The following AUTS2 variants were observed in gnomAD, a reference collection of about 807,000 sequenced individuals.
The protein encoded by AUTS2 is autism susceptibility gene 2 protein.
In AUTS2, 17 loss-of-function variants were observed where a neutral mutation model predicts 112.4. The observed-to-expected ratio is 0.15, with a 90% CI of 0.10 to 0.23. The LOEUF (loss-of-function observed/expected upper bound fraction) is 0.23, where lower values mean the gene tolerates loss of function less well. Among genes scored for constraint, AUTS2 ranks in the 10% least tolerant of loss-of-function variants. The pLI is 1.00. For synonymous variants in AUTS2, 751 were observed against 702.7 expected (o/e 1.07, Z -1.09); for missense variants, 1,510 against 1,701.6 (o/e 0.89, Z 1.98).
rs112594158 is a variant in AUTS2 at position 70,108,071 on chromosome 7, G to A, written c.523-10061G>A. Reference sequence around the variant, plus strand: ...ATACCAGTTCAGTTCTGTCCTCATGGAAGTAATATGGCCTTTCATGGGATA... The same window carrying A: ...ATACCAGTTCAGTTCTGTCCTCATGAAAGTAATATGGCCTTTCATGGGATA... On this transcript the variant is annotated intron_variant, in intron 2 of 18. Transcript: ENST00000342771. Among the ~76,000 whole-genome samples, 241 of 152,166 alleles carry A rather than the reference G, an allele frequency of 1.6e-3. 6 individuals are homozygous for A. Among genetic ancestry groups the A allele is most frequent in the African/African-American group, 5.5e-3 (227 of 41,518 alleles).
At chr7:69,628,840 T>C (rs1416297891) in intron 1 of AUTS2, among the ~76,000 whole-genome samples, 1 of 152,144 alleles carries the variant, frequency 6.6e-6, no homozygotes, top group Non-Finnish European at 1.5e-5. Flanking sequence ...TTGGGAGGGA[T>C]ACAGACCCAA....
chr7:69,609,361 T>A (rs1792900630), intron 1 of AUTS2, among the ~76,000 whole-genome samples: 1 of 152,242 alleles, frequency 6.6e-6, no homozygotes, highest in Non-Finnish European at 1.5e-5. Context: ...AAAAGCGTTG[T>A]TCTCTCCCTG....
intron 2 of AUTS2, among the ~76,000 whole-genome samples, chr7:69,934,246 C>G (rs1796326941): frequency 6.6e-6 from 1 of 152,122 alleles, no homozygotes; most frequent in Non-Finnish European, 1.5e-5. Context: ...GCAGGGGATG[C>G]TCTTCCCAAA....
At chr7:70,102,497 A>G (rs910313218) in intron 2 of AUTS2, among the ~76,000 whole-genome samples, 4 of 151,600 alleles carry the variant, frequency 2.6e-5, no homozygotes, top group African/African-American at 9.7e-5. Flanking sequence ...AGGTATTTTC[A>G]TATAGTTTTG....
In AUTS2 at chr7:70,791,894, A is replaced by T. The variant is rs1316562024; in HGVS notation, c.*898A>T. The T allele has an allele frequency of 6.6e-6, 1 of 152,232 alleles. No homozygotes were observed. The highest frequency in any genetic ancestry group is 2.4e-5 in the African/African-American group (1 of 41,436). 9.4% of individuals were successfully genotyped at this position (152,232 alleles called of 1,614,324 possible). On this transcript the variant is annotated 3_prime_UTR_variant, in exon 19 of 19. Transcript: ENST00000342771. Reference sequence around the variant, plus strand: ...TGCCAGGGAGGGTGGGATTTGCCAGATGCCAAAATCAGGGGACGGGTGGTG... The same window carrying T: ...TGCCAGGGAGGGTGGGATTTGCCAGTTGCCAAAATCAGGGGACGGGTGGTG...
At chr7:70,743,454 G>A (rs545526311) in intron 6 of AUTS2, among the ~76,000 whole-genome samples, 165 of 133,088 alleles carry the variant, frequency 1.2e-3, no homozygotes, top group African/African-American at 4.6e-3. Context: ...GGCTGACAGA[G>A]GGAGACTCTG....
intron 2 of AUTS2, among the ~76,000 whole-genome samples, chr7:69,949,231 A>T (rs1161320958): frequency 1.3e-5 from 2 of 152,258 alleles, no homozygotes; most frequent in Non-Finnish European, 2.9e-5. Context: ...AATGCATATG[A>T]TGTAACATAC....
chr7:70,409,345 G>A (rs539494974), intron 4 of AUTS2, among the ~76,000 whole-genome samples: 14 of 149,094 alleles, frequency 9.4e-5, no homozygotes, highest in Admixed American at 5.9e-4. Context: ...ATATATATAT[G>A]TGTGTGTGTG....
chr7:70,453,878 A>G (rs1300832078), intron 5 of AUTS2, among the ~76,000 whole-genome samples: 1 of 152,202 alleles, frequency 6.6e-6, no homozygotes, highest in Non-Finnish European at 1.5e-5. Flanking sequence ...CTTGTAAGGT[A>G]ACATTTGCGG....
chr7:69,835,436 C>G (rs562249913), intron 1 of AUTS2, among the ~76,000 whole-genome samples: 1 of 152,212 alleles, frequency 6.6e-6, no homozygotes, highest in African/African-American at 2.4e-5. Context: ...GGAGAGGCCA[C>G]TAGACAAGAT....
At chr7:70,508,545 C>T (rs1410324426) in intron 5 of AUTS2, among the ~76,000 whole-genome samples, 2 of 152,126 alleles carry the variant, frequency 1.3e-5, no homozygotes, top group African/African-American at 2.4e-5. Context: ...CAAAATCTTT[C>T]TCTCCCCAGT....
chr7:70,640,041 G>A (rs546804774), intron 5 of AUTS2, among the ~76,000 whole-genome samples: 1 of 152,158 alleles, frequency 6.6e-6, no homozygotes, highest in East Asian at 1.9e-4. Flanking sequence ...CCTTTTTAGG[G>A]ATTAAGGCTG....
intron 5 of AUTS2, among the ~76,000 whole-genome samples, chr7:70,685,553 TG>T (rs1334200001): frequency 6.7e-6 from 1 of 148,268 alleles, no homozygotes. Context: ...TGAGCTGAAA[TG>T]ATAATAACAT....
intron 4 of AUTS2, among the ~76,000 whole-genome samples, chr7:70,318,425 T>C (rs1790100527): frequency 6.6e-6 from 1 of 151,960 alleles, no homozygotes; most frequent in African/African-American, 2.4e-5. Flanking sequence ...AATGAAGCAT[T>C]GTTAGGAAAG....
In AUTS2 at chr7:70,193,869, A is replaced by G. The variant is rs139557011; in HGVS notation, c.660+59298A>G. Among the ~76,000 whole-genome samples the G allele has an allele frequency of 6.2e-4, 95 of 152,280 alleles. 2 individuals carry two copies. Among genetic ancestry groups the G allele is most frequent in the Admixed American group, 6.1e-3 (93 of 15,286 alleles). On this transcript the variant is annotated intron_variant, in intron 4 of 18. Coordinates refer to ENST00000342771, the MANE Select transcript of AUTS2 (RefSeq NM_015570.4). The stretch of plus-strand genomic sequence containing the variant: ...ACCTAATCTAGAATTTACTTTAATA[A>G]TCTTTTATTATTTTCCTGTATATTC...
intron 1 of AUTS2, among the ~76,000 whole-genome samples, chr7:69,621,438 C>T (rs1314900611): frequency 7.3e-6 from 1 of 136,226 alleles, no homozygotes; most frequent in East Asian, 2.6e-4. Context: ...TATAATATAT[C>T]TTAAGCTTGC....
At chr7:69,680,676 A>AT (rs993683115) in intron 1 of AUTS2, among the ~76,000 whole-genome samples, 28 of 151,736 alleles carry the variant, frequency 1.8e-4, no homozygotes, top group Non-Finnish European at 7.4e-5. Context: ...ATTTTATTTT[A>AT]TTTTTTATTT....
chr7:70,636,094 A>G (rs1805520477), intron 5 of AUTS2, among the ~76,000 whole-genome samples: 1 of 152,228 alleles, frequency 6.6e-6, no homozygotes, highest in South Asian at 2.1e-4. Context: ...GCAGGTCTTC[A>G]GACTCAAATT....
chr7:70,037,995 A>G (rs1801083855), intron 2 of AUTS2, among the ~76,000 whole-genome samples: 1 of 122,238 alleles, frequency 8.2e-6, no homozygotes, highest in Non-Finnish European at 1.6e-5. Context: ...TTTCATTTAC[A>G]CAAGAGCCAA....
Sources: allele counts gnomAD v4.1 joint callset (sites outside exome capture counted in the v4.1 genomes callset), GRCh38; gene constraint gnomAD v4.1.1; transcripts MANE v1.5; gene names NCBI Gene and HGNC (gene_info 2026-07-23, HGNC 2026-07-21).